BRINP3: variants seen among roughly 807,000 people sequenced by gnomAD.
BRINP3 encodes the protein BMP/retinoic acid-inducible neural-specific protein 3.
A neutral mutation model predicts 71.0 loss-of-function variants in BRINP3; 19 were observed. The observed-to-expected ratio is 0.27, with a 90% CI of 0.19 to 0.39. The LOEUF is 0.39. Among genes scored for constraint, BRINP3 ranks in the 10% least tolerant of loss-of-function variants. The pLI, the probability that BRINP3 is intolerant of heterozygous loss-of-function variation, is 1.00. For missense variants in BRINP3, 959 were observed against 940.8 expected, an observed-to-expected ratio of 1.02 and a Z score of -0.25; for synonymous variants, 380 against 337.7, an observed-to-expected ratio of 1.13 and a Z score of -1.37.
intron 2 of BRINP3, among the ~76,000 whole-genome samples, chr1:190,309,846 C>A (rs1465254247): frequency 1.3e-5 from 2 of 151,632 alleles, no homozygotes; most frequent in African/African-American, 2.4e-5. Flanking sequence ...TTGGTTAATT[C>A]TAGTTATAAA....
intron 2 of BRINP3, among the ~76,000 whole-genome samples, chr1:190,424,801 T>C (rs999796413): frequency 1.3e-5 from 2 of 151,766 alleles, no homozygotes; most frequent in Middle Eastern, 3.4e-3. Context: ...CTCTGAAATA[T>C]TACCTTTAGA....
intron 2 of BRINP3, among the ~76,000 whole-genome samples, chr1:190,437,379 C>A (rs912979528): frequency 6.6e-6 from 1 of 151,876 alleles, no homozygotes; most frequent in East Asian, 1.9e-4. Flanking sequence ...CCAGGAAATT[C>A]TTGCCTAGGA....
intron 5 of BRINP3, among the ~76,000 whole-genome samples, chr1:190,226,623 T>C (rs963431031): frequency 1.3e-5 from 2 of 151,974 alleles, no homozygotes; most frequent in African/African-American, 2.4e-5. Context: ...ATAATATAGA[T>C]GGAGCCTATC....
At chr1:190,373,666 C>A (rs1670009590) in intron 2 of BRINP3, among the ~76,000 whole-genome samples, 1 of 151,596 alleles carries the variant, frequency 6.6e-6, no homozygotes, top group African/African-American at 2.4e-5. Context: ...AGCAAAAACA[C>A]TTTGAGTTTT....
At chr1:190,455,971 A>G (rs1675956863) in intron 1 of BRINP3, among the ~76,000 whole-genome samples, 1 of 152,184 alleles carries the variant, frequency 6.6e-6, no homozygotes, top group Non-Finnish European at 1.5e-5. Context: ...TTCAAACTGT[A>G]TTATTCATAG....
rs1370512094 is a variant in BRINP3 at position 190,193,244 on chromosome 1, A to C, written c.962-32354T>G. Among the ~76,000 whole-genome samples the C allele has an allele frequency of 2.6e-5, 4 of 152,112 alleles. No individual in the cohort carries two copies. The South Asian group carries it at 6.2e-4, about 24-fold the overall frequency. On this transcript the variant is annotated intron_variant, in intron 6 of 7. Coordinates refer to ENST00000367462, the MANE Select transcript of BRINP3 (RefSeq NM_199051.3). ...GGAGGTGTTTGTGATATTAAAAAAA[A>C]ATAGTCATACAAAGTAGTAAATTGA...
At chr1:190,415,838 G>T (rs1470085179) in intron 2 of BRINP3, among the ~76,000 whole-genome samples, 3 of 152,194 alleles carry the variant, frequency 2.0e-5, no homozygotes, top group Non-Finnish European at 4.4e-5. Context: ...AAGAGTTTGA[G>T]AATGCAGTGA....
intron 2 of BRINP3, among the ~76,000 whole-genome samples, chr1:190,306,354 A>C (rs1665098197): frequency 6.6e-6 from 1 of 151,948 alleles, no homozygotes; most frequent in Admixed American, 6.6e-5. Flanking sequence ...GAATTTAAAT[A>C]AGCGATTTTG....
chr1:190,467,418 C>T (rs1202521290), intron 1 of BRINP3, among the ~76,000 whole-genome samples: 1 of 151,426 alleles, frequency 6.6e-6, no homozygotes, highest in Non-Finnish European at 1.5e-5. Context: ...AAACTAACAC[C>T]AAGTACTTAA....
chr1:190,385,771 CA>C (rs1163536089), intron 2 of BRINP3, among the ~76,000 whole-genome samples: 1 of 152,068 alleles, frequency 6.6e-6, no homozygotes. Context: ...GGTATAAAGA[CA>C]CATGCACACA....
At chr1:190,145,733 T>C (rs1655828498) in intron 7 of BRINP3, among the ~76,000 whole-genome samples, 1 of 152,260 alleles carries the variant, frequency 6.6e-6, no homozygotes, top group African/African-American at 2.4e-5. Flanking sequence ...CACATTTTTA[T>C]AGCATCACAA....
chr1:190,145,414 T>C (rs1655801010), intron 7 of BRINP3, among the ~76,000 whole-genome samples: 1 of 152,202 alleles, frequency 6.6e-6, no homozygotes, highest in African/African-American at 2.4e-5. Context: ...TTCACTGTGT[T>C]CTCATAGCAC....
intron 1 of BRINP3, among the ~76,000 whole-genome samples, 179 bp downstream of exon 1, chr1:190,477,269 C>T (rs1409887095): frequency 6.6e-6 from 1 of 152,050 alleles, no homozygotes; most frequent in African/African-American, 2.4e-5. Context: ...TAATACATTA[C>T]ATGGGTTATG....
At chr1:190,281,537 C>T (rs369034074) in intron 3 of BRINP3, 23 bp downstream of exon 3, 63 of 1,606,766 alleles carry the variant, frequency 3.9e-5, no homozygotes, top group Non-Finnish European at 4.7e-5. Flanking sequence ...CACACAGGCA[C>T]AAATAGGTTC....
chr1:190,358,981 A>G (rs565038575), intron 2 of BRINP3, among the ~76,000 whole-genome samples: 1 of 152,062 alleles, frequency 6.6e-6, no homozygotes, highest in South Asian at 2.1e-4. Context: ...TGGACACAGG[A>G]AGGGGAACAT....
At chr1:190,129,172 G>A (rs1654329088) in intron 7 of BRINP3, among the ~76,000 whole-genome samples, 1 of 151,706 alleles carries the variant, frequency 6.6e-6, no homozygotes, top group African/African-American at 2.4e-5. Context: ...TGTCATCTAA[G>A]AAAGGATCAA....
intron 2 of BRINP3, chr1:190,302,832 AC>A (rs773733569): frequency 5.3e-5 from 8 of 151,900 alleles, no homozygotes; most frequent in Non-Finnish European, 1.2e-4. Flanking sequence ...GAATATTTTC[AC>A]AGAATATAGA....
At chr1:190,306,569 A>G (rs1665114591) in intron 2 of BRINP3, among the ~76,000 whole-genome samples, 1 of 151,966 alleles carries the variant, frequency 6.6e-6, no homozygotes, top group Non-Finnish European at 1.5e-5. Flanking sequence ...GTGGGGGTAT[A>G]ACTTTAGATA....
At chr1:190,439,065 T>G (rs1420588564) in intron 2 of BRINP3, among the ~76,000 whole-genome samples, 1 of 151,890 alleles carries the variant, frequency 6.6e-6, no homozygotes, top group East Asian at 1.9e-4. Context: ...TGATGTCATT[T>G]TCAGAGTTGT....
Sources: gnomAD v4.1 joint callset for allele counts (sites outside exome capture counted in the v4.1 genomes callset) on GRCh38, gnomAD v4.1.1 for gene constraint, MANE v1.5 for transcripts, NCBI Gene and HGNC (gene_info 2026-07-23, HGNC 2026-07-21) for gene names.